Variants in ALDH8A1 observed in about 807,000 individuals in gnomAD.
ALDH8A1 encodes aldehyde dehydrogenase 8 family member A1, also known as 2-aminomuconic semialdehyde dehydrogenase.
ALDH8A1 carries 39 observed loss-of-function variants against 43.3 expected under a neutral mutation model. That is an observed-to-expected ratio of 0.90 (90% confidence interval 0.70 to 1.18). ALDH8A1 has a LOEUF of 1.18. Ranked by LOEUF, ALDH8A1 falls within the 50% of genes most tolerant of loss-of-function variation. ALDH8A1 has a pLI of 0.00. For synonymous variants in ALDH8A1, 233 were observed against 243.5 expected (o/e 0.96, Z 0.40); for missense variants, 605 against 622.6 (o/e 0.97, Z 0.30).
chr6:134,936,096 C>T, intron 4 of ALDH8A1, among the ~76,000 whole-genome samples: 1 of 152,184 alleles, frequency 6.6e-6, no homozygotes, highest in Non-Finnish European at 1.5e-5. Flanking sequence ...GGATTACCGG[C>T]ACTTGCCATC....
At chr6:134,932,531 G>A (rs536438499) in intron 5 of ALDH8A1, among the ~76,000 whole-genome samples, 2 of 152,236 alleles carry the variant, frequency 1.3e-5, no homozygotes, top group African/African-American at 4.8e-5. Context: ...ACCCATGGCT[G>A]GTACCTGATA....
At position 134,917,625 on chromosome 6, in the gene ALDH8A1, T is replaced by C. The variant is rs1776725216; in HGVS notation, c.*790A>G. On this transcript the variant is annotated 3_prime_UTR_variant, in exon 7 of 7. Coordinates refer to ENST00000265605, the MANE Select transcript of ALDH8A1 (RefSeq NM_022568.4). The stretch of plus-strand genomic sequence containing the variant: ...TACCACATAGCCTTCCCCTAACAAA[T>C]TCCAAAGACGTCCACAGCCCCCTTA... The C allele has an allele frequency of 6.6e-6, 1 of 152,204 alleles. No individual in the cohort carries two copies. The highest frequency in any genetic ancestry group is 2.4e-5 in the African/African-American group (1 of 41,432). 9.4% of individuals were successfully genotyped at this position (152,204 alleles called of 1,614,324 possible).
intron 5 of ALDH8A1, among the ~76,000 whole-genome samples, chr6:134,930,853 G>A (rs543635846): frequency 2.0e-5 from 3 of 152,204 alleles, no homozygotes; most frequent in Admixed American, 2.0e-4. Context: ...AGTATCATTC[G>A]TTGAGTGCCT....
At chr6:134,926,637 C>T (rs1413564177) in intron 6 of ALDH8A1, among the ~76,000 whole-genome samples, 16 of 151,932 alleles carry the variant, frequency 1.1e-4, no homozygotes, top group Admixed American at 1.0e-3. Context: ...GGTGAAACCC[C>T]GTCTCTACTA....
At chr6:134,945,902 T>C (rs1773941657) in intron 1 of ALDH8A1, among the ~76,000 whole-genome samples, 1 of 152,042 alleles carries the variant, frequency 6.6e-6, no homozygotes, top group Admixed American at 6.5e-5. Flanking sequence ...AAGTGATTGG[T>C]TTGTGGGGGC....
Position 134,932,878 on chromosome 6 carries a change from C to A in ALDH8A1, c.747G>T (p.Lys249Asn). Residue 249 changes from lysine to asparagine, a missense_variant, in exon 5 of 7, where the codon AAG (lysine) becomes AAT (asparagine). Lys to Asn is a moderately conservative substitution (Grantham distance 94, BLOSUM62 0). Transcript: ENST00000265605. Reference protein sequence around the residue: ...ITQLSAPHCKKLSLELGGKNP... With the variant: ...ITQLSAPHCKNLSLELGGKNP... ...TCTTGCCCCCCAGCTCCAGGGAGAG[C>A]TTTTTGCAGTGGGGAGCGCTCAGCT... The A allele has an allele frequency of 6.2e-7, 1 of 1,614,184 alleles. No individual in the cohort carries two copies. The highest frequency in any genetic ancestry group is 2.2e-5 in the East Asian group (1 of 44,884).
Position 134,943,820 on chromosome 6 carries a change from T to C in ALDH8A1, c.285A>G (p.Gln95=). 6.2e-7 allele frequency: 1 copy of C among 1,613,990 alleles called. No individual in the cohort carries two copies. Among genetic ancestry groups the C allele is most frequent in the Non-Finnish European group, 8.5e-7 (1 of 1,179,958 alleles). The change falls in exon 2 of 7, where the codon CAA becomes CAG. Residue 95 remains glutamine (Q), a splice_region_variant and synonymous_variant. Coordinates refer to ENST00000265605, the MANE Select transcript of ALDH8A1 (RefSeq NM_022568.4). The part of the protein sequence containing the change: ...EEFAQAESKD[Q]GKTLALARTM... ...TTACAGTTAAGAGGCAACTCTCACC[T>C]TGGTCTTTAGACTCGGCCTGGGCAA...
Position 134,939,332 on chromosome 6 carries a change from T to G in ALDH8A1, c.526A>C (p.Ile176Leu). The G allele has an allele frequency of 1.2e-6, 2 of 1,614,236 alleles. No individual in the cohort carries two copies. Among genetic ancestry groups the G allele is most frequent in the South Asian group, 2.2e-5 (2 of 91,090 alleles). The change falls in exon 4 of 7, where the codon ATA (isoleucine) becomes CTA (leucine). Residue 176 changes from isoleucine to leucine, a missense_variant. Ile to Leu is a conservative substitution (Grantham distance 5, BLOSUM62 2). Transcript: ENST00000265605. ...GAAGTCAGCTCACTGGGCTTGGCTA[T>G]CACAGTGTTCCCTGCAGCCATCGCT... ...APAMAAGNTVIAKPSELTSVT... is the reference protein window; with the variant it reads ...APAMAAGNTVLAKPSELTSVT...
At chr6:134,944,119 G>A in intron 1 of ALDH8A1, 153 bp from the exon 2 acceptor site, 1 of 1,076,538 alleles carries the variant, frequency 9.3e-7, no homozygotes, top group Non-Finnish European at 1.3e-6. Context: ...CCAGCCTGGA[G>A]GGCAGTGGCG....
At position 134,939,296 on chromosome 6, in the gene ALDH8A1, A is replaced by G. The variant is rs762086550; in HGVS notation, c.562T>C (p.Trp188Arg). ...KPSELTSVTA[W>R]MLCKLLDKAG... Reference sequence around the variant, plus strand: ...TTATCCAGGAGTTTGCACAACATCCACGCAGTCACTGAAGTCAGCTCACTG... The same window carrying G: ...TTATCCAGGAGTTTGCACAACATCCGCGCAGTCACTGAAGTCAGCTCACTG... Residue 188 changes from tryptophan (W) to arginine (R), a missense_variant, in exon 4 of 7, where the codon TGG (tryptophan) becomes CGG (arginine). Coordinates refer to ENST00000265605, the MANE Select transcript of ALDH8A1 (RefSeq NM_022568.4). 5 of 1,614,226 alleles carry G rather than the reference A, an allele frequency of 3.1e-6. No individual in the cohort carries two copies. The East Asian group carries it at 8.9e-5, about 29-fold the overall frequency.
chr6:134,927,888 C>A (rs1216370692), intron 6 of ALDH8A1, among the ~76,000 whole-genome samples: 2 of 152,122 alleles, frequency 1.3e-5, no homozygotes, highest in African/African-American at 4.8e-5. Context: ...CCAAAAGAGC[C>A]AGAAGGAGAG....
intron 2 of ALDH8A1, among the ~76,000 whole-genome samples, chr6:134,943,095 T>C (rs1001136626): frequency 3.3e-5 from 5 of 152,188 alleles, no homozygotes; most frequent in African/African-American, 1.2e-4. Context: ...ACGTCCTAGC[T>C]CCTGGATGGA....
Position 134,918,390 on chromosome 6 carries a change from A to G in ALDH8A1, c.*25T>C, listed in dbSNP as rs1277721418. 6.2e-7 allele frequency: 1 copy of G among 1,603,272 alleles called. No homozygotes were observed. Among genetic ancestry groups the G allele is most frequent in the Non-Finnish European group, 8.5e-7 (1 of 1,172,046 alleles). ...TGATGCCTGCAGCCAGGCATTGGCCATAGTGGCTCCACCATTAGCAAAGAT... is the reference window on the plus strand; with the variant it reads ...TGATGCCTGCAGCCAGGCATTGGCCGTAGTGGCTCCACCATTAGCAAAGAT... On this transcript the variant is annotated 3_prime_UTR_variant, in exon 7 of 7. Coordinates refer to ENST00000265605, the MANE Select transcript of ALDH8A1 (RefSeq NM_022568.4).
chr6:134,934,808 TAAAAC>T (rs1469617974), intron 4 of ALDH8A1, among the ~76,000 whole-genome samples: 1 of 152,144 alleles, frequency 6.6e-6, no homozygotes, highest in Admixed American at 6.5e-5. Context: ...AATGAAATAA[TAAAAC>T]AAGAAAACAC....
At chr6:134,938,010 A>G (rs1030571504) in intron 4 of ALDH8A1, among the ~76,000 whole-genome samples, 10 of 152,154 alleles carry the variant, frequency 6.6e-5, no homozygotes, top group Non-Finnish European at 1.2e-4. Context: ...TTCCTCGTGG[A>G]GTAAAGAACT....
Position 134,950,050 on chromosome 6 carries a change from C to A in ALDH8A1, c.4G>T (p.Ala2Ser), listed in dbSNP as rs141981819. 1.1e-5 allele frequency: 18 copies of A among 1,608,928 alleles called. 1 individual carries two copies. The African/African-American group carries it at 2.0e-4, about 18-fold the overall frequency. The part of the protein sequence containing the change: M[A>S]GTNALLMLEN... ...AGCATCAAAAGTGCGTTTGTTCCAG[C>A]CATAGCAAGGAAAAATTCTGCCTTT... Residue 2 changes from alanine (A) to serine (S), a missense_variant, in exon 1 of 7, where the codon GCT (alanine) becomes TCT (serine). By Grantham distance (99) the Ala-to-Ser change is moderately conservative. Coordinates refer to ENST00000265605, the MANE Select transcript of ALDH8A1 (RefSeq NM_022568.4).
At chr6:134,937,396 G>A (rs968894644) in intron 4 of ALDH8A1, among the ~76,000 whole-genome samples, 1 of 152,196 alleles carries the variant, frequency 6.6e-6, no homozygotes, top group African/African-American at 2.4e-5. Flanking sequence ...CTCAAGAGAG[G>A]AGCAAGGTGA....
chr6:134,944,631 C>A (rs1307039810), intron 1 of ALDH8A1, among the ~76,000 whole-genome samples: 1 of 152,062 alleles, frequency 6.6e-6, no homozygotes, highest in African/African-American at 2.4e-5. Flanking sequence ...TGCCTGTAAT[C>A]TTAGCACTTA....
intron 6 of ALDH8A1, among the ~76,000 whole-genome samples, chr6:134,923,745 T>C (rs1359915443): frequency 6.6e-6 from 1 of 152,208 alleles, no homozygotes; most frequent in Non-Finnish European, 1.5e-5. Flanking sequence ...TGTCCACAGC[T>C]TCTGCAGCTG....
Sources: allele counts gnomAD v4.1 joint callset (sites outside exome capture counted in the v4.1 genomes callset), GRCh38; gene constraint gnomAD v4.1.1; transcripts MANE v1.5; gene names NCBI Gene and HGNC (gene_info 2026-07-23, HGNC 2026-07-21).